SETD2: variants seen among roughly 807,000 people sequenced by gnomAD.
SETD2 encodes the protein histone-lysine N-methyltransferase SETD2.
SETD2 carries 31 observed loss-of-function variants against 242.1 expected under a neutral mutation model. That is an observed-to-expected ratio of 0.13 (90% CI 0.10 to 0.17). The LOEUF is 0.17. Among genes scored for constraint, SETD2 ranks in the 10% least tolerant of loss-of-function variants. The probability of loss-of-function intolerance (pLI) is 1.00; values close to 1 mark genes in which losing one functional copy is unlikely to be tolerated. For missense variants in SETD2, 2,481 were observed against 3,046.3 expected (o/e 0.81, Z 4.37); for synonymous variants, 1,006 against 1,066.5 (o/e 0.94, Z 1.11).
chr3:47,113,232 C>T (rs569393059), intron 5 of SETD2, among the ~76,000 whole-genome samples: 3 of 151,634 alleles, frequency 2.0e-5, no homozygotes, highest in Non-Finnish European at 4.4e-5. Flanking sequence ...CTTCCCATAG[C>T]GCTGAGATTA....
intron 16 of SETD2, among the ~76,000 whole-genome samples, chr3:47,043,132 C>G (rs2039362631): frequency 6.6e-6 from 1 of 151,710 alleles, no homozygotes; most frequent in Non-Finnish European, 1.5e-5. Context: ...CTTGAAACCT[C>G]AAAACTATAA....
intron 1 of SETD2, among the ~76,000 whole-genome samples, chr3:47,149,858 C>T (rs189528338): frequency 6.6e-6 from 1 of 152,016 alleles, no homozygotes; most frequent in Admixed American, 6.6e-5. Context: ...TTAAATATAA[C>T]GTTTTTAATT....
intron 7 of SETD2, among the ~76,000 whole-genome samples, chr3:47,102,018 C>T (rs1323290138): frequency 6.6e-6 from 1 of 151,946 alleles, no homozygotes; most frequent in Non-Finnish European, 1.5e-5. Flanking sequence ...AACACTGATC[C>T]CAAAAGTTTA....
chr3:47,046,517 A>G lies in SETD2; in HGVS notation c.7068T>C (p.Val2356=), dbSNP rs200525700. Residue 2356 remains valine (V), a synonymous_variant, in exon 16 of 21, where the codon GTT becomes GTC. Coordinates refer to ENST00000409792, the MANE Select transcript of SETD2 (RefSeq NM_014159.7). ...VQPAAAVTTI[V]APGQPQPLQP... ...GCAAGGGCTGAGGCTGCCCTGGTGC[A>G]ACTATTGTAGTCACTGCTGCGGCTG... 4.0e-4 allele frequency: 644 copies of G among 1,608,814 alleles called. 8 individuals are homozygous for G. In the South Asian group the frequency reaches 6.9e-3, roughly 17 times the overall value.
intron 1 of SETD2, among the ~76,000 whole-genome samples, chr3:47,161,433 A>G (rs1373946762): frequency 6.6e-6 from 1 of 152,188 alleles, no homozygotes; most frequent in Non-Finnish European, 1.5e-5. Context: ...TCCTCTCTCT[A>G]GCATTATAAA....
chr3:47,114,713 T>C (rs1253707509), intron 4 of SETD2, among the ~76,000 whole-genome samples: 1 of 151,898 alleles, frequency 6.6e-6, no homozygotes, highest in African/African-American at 2.4e-5. Context: ...ATCCTGTCTC[T>C]CTGAAAAATA....
intron 4 of SETD2, 150 bp downstream of exon 4, chr3:47,116,473 T>C (rs982602365): frequency 7.4e-5 from 48 of 644,340 alleles, no homozygotes; most frequent in Non-Finnish European, 1.2e-4. Context: ...ATATGTTTTC[T>C]ACTATACATC....
chr3:47,018,628 T>C (rs2038082338), intron 19 of SETD2, among the ~76,000 whole-genome samples: 1 of 152,294 alleles, frequency 6.6e-6, no homozygotes, highest in African/African-American at 2.4e-5. Context: ...AACTCAAGGT[T>C]TTTCTGGGGT....
intron 1 of SETD2, among the ~76,000 whole-genome samples, chr3:47,156,072 G>A: frequency 6.6e-6 from 1 of 152,100 alleles, no homozygotes; most frequent in East Asian, 1.9e-4. Flanking sequence ...CTCTTAACCA[G>A]GATAGGTTCA....
rs2106703577 is a variant in SETD2 at position 47,123,429 on chromosome 3, T to C, written c.1207A>G (p.Ser403Gly). The C allele has an allele frequency of 1.9e-6, 3 of 1,551,642 alleles. No individual in the cohort carries two copies. Among genetic ancestry groups the C allele is most frequent in the Non-Finnish European group, 2.6e-6 (3 of 1,146,972 alleles). Reference protein sequence around the residue: ...RCRSERERRRSRSHSRSERGS... With the variant: ...RCRSERERRRGRSHSRSERGS... The stretch of plus-strand genomic sequence containing the variant: ...CTCTCAGACCTAGAGTGAGATCTGC[T>C]CCGCCGTCGCTCTCTTTCTGATCTA... Residue 403 changes from serine to glycine, a missense_variant, in exon 3 of 21, where the codon AGC becomes GGC. By Grantham distance (56) the Ser-to-Gly change is moderately conservative. Transcript: ENST00000409792.
At chr3:47,105,241 C>T (rs1367177612) in intron 6 of SETD2, among the ~76,000 whole-genome samples, 1 of 151,914 alleles carries the variant, frequency 6.6e-6, no homozygotes, top group Non-Finnish European at 1.5e-5. Flanking sequence ...AAAACCCCGT[C>T]TCTACTAAAA....
chr3:47,056,718 T>G, intron 15 of SETD2, 103 bp downstream of exon 15: 3 of 852,598 alleles, frequency 3.5e-6, no homozygotes, highest in Non-Finnish European at 5.6e-6. Context: ...TTGATCAATA[T>G]ATACAAGTAG....
chr3:47,063,227 A>C (rs1280977158), intron 13 of SETD2, among the ~76,000 whole-genome samples: 1 of 152,202 alleles, frequency 6.6e-6, no homozygotes, highest in Non-Finnish European at 1.5e-5. Flanking sequence ...GTTGTTCAAG[A>C]GTCAAAGGTA....
intron 13 of SETD2, among the ~76,000 whole-genome samples, chr3:47,065,449 C>G (rs1400455141): frequency 6.6e-6 from 1 of 151,780 alleles, no homozygotes; most frequent in Non-Finnish European, 1.5e-5. Context: ...AACCAATAAC[C>G]ACCATAAGTG....
chr3:47,155,469 A>G (rs898189290), intron 1 of SETD2, among the ~76,000 whole-genome samples: 1 of 152,250 alleles, frequency 6.6e-6, no homozygotes, highest in Non-Finnish European at 1.5e-5. Flanking sequence ...ATGGGAATTC[A>G]CTGTGCTATT....
chr3:47,101,313 C>T (rs893615310), intron 8 of SETD2, 145 bp downstream of exon 8: 2 of 554,816 alleles, frequency 3.6e-6, no homozygotes, highest in Non-Finnish European at 6.4e-6. Flanking sequence ...AGTAGAAAAA[C>T]ACACAAAACC....
At chr3:47,057,814 T>TAA (rs2040144684) in intron 14 of SETD2, among the ~76,000 whole-genome samples, 2 of 152,060 alleles carry the variant, frequency 1.3e-5, no homozygotes, top group African/African-American at 4.8e-5. Context: ...AAAATTAAAA[T>TAA]AAAAAACAAA....
rs1442368577 is a variant in SETD2 at position 47,124,529 on chromosome 3, T to C, written c.107A>G (p.Gln36Arg). 1 of 1,543,024 alleles carries C rather than the reference T, an allele frequency of 6.5e-7. No individual in the cohort carries two copies. The highest frequency in any genetic ancestry group is 8.8e-7 in the Non-Finnish European group (1 of 1,142,224). Reference sequence around the variant, plus strand: ...TGGTCCTTTGATGAAACCTGTTTTCTGCACATTTTCAATCTTTGCCTACAA... The same window carrying C: ...TGGTCCTTTGATGAAACCTGTTTTCCGCACATTTTCAATCTTTGCCTACAA... ...EENEAKIENV[Q>R]KTGFIKGPMF... Residue 36 changes from glutamine to arginine, a missense_variant, in exon 3 of 21, where the codon CAG becomes CGG. This residue lies in a region of SETD2 where 334 missense variants were observed against 374.5 expected (regional missense o/e 0.89). Coordinates refer to ENST00000409792, the MANE Select transcript of SETD2 (RefSeq NM_014159.7).
At chr3:47,150,275 T>C (rs947057571) in intron 1 of SETD2, among the ~76,000 whole-genome samples, 2 of 152,044 alleles carry the variant, frequency 1.3e-5, no homozygotes, top group Non-Finnish European at 2.9e-5. Flanking sequence ...CCTGACCTTG[T>C]GATTCGCCCG....
Sources: allele counts gnomAD v4.1 joint callset (sites outside exome capture counted in the v4.1 genomes callset), GRCh38; gene constraint gnomAD v4.1.1; regional missense constraint gnomAD v4.1.1; transcripts MANE v1.5; gene names NCBI Gene and HGNC (gene_info 2026-07-23, HGNC 2026-07-21).